HERC2: variants seen among roughly 807,000 people sequenced by gnomAD.
The protein encoded by HERC2 is E3 ubiquitin-protein ligase HERC2.
Under a neutral mutation model 537.7 loss-of-function variants are expected in HERC2, and 102 were observed. That is an observed-to-expected ratio of 0.19 (90% CI 0.16 to 0.22). The LOEUF (loss-of-function observed/expected upper bound fraction) is 0.22. Ranked by LOEUF, HERC2 falls within the 10% of genes least tolerant of loss-of-function variation. HERC2 has a pLI of 1.00. For missense variants in HERC2, 4,236 were observed against 6,198.2 expected, an observed-to-expected ratio of 0.68 and a Z score of 10.63; for synonymous variants, 2,224 against 2,466.2, an observed-to-expected ratio of 0.90 and a Z score of 2.91.
chr15:28,169,680 A>C, intron 65 of HERC2, 25 bp from the exon 66 acceptor site: 1 of 1,591,856 alleles, frequency 6.3e-7, no homozygotes, highest in Non-Finnish European at 8.6e-7. Flanking sequence ...TAAAATTTGC[A>C]TTGTTTTTAA....
chr15:28,280,335 C>T (rs1385791020), intron 4 of HERC2, 48 bp from the exon 5 acceptor site: 4 of 1,449,104 alleles, frequency 2.8e-6, no homozygotes, highest in Middle Eastern at 4.6e-4. Context: ...AATGTGGCCA[C>T]AGTTTGTTGC....
intron 2 of HERC2, among the ~76,000 whole-genome samples, chr15:28,304,030 G>A (rs1156900912): frequency 6.6e-6 from 1 of 151,992 alleles, no homozygotes; most frequent in African/African-American, 2.4e-5. Flanking sequence ...GCCAGGCCTG[G>A]TGGCAGGCGC....
In HERC2 at chr15:28,273,108, T is replaced by C; in HGVS notation, c.801-104A>G. On this transcript the variant is annotated intron_variant, in intron 7 of 92. Transcript: ENST00000261609. The stretch of plus-strand genomic sequence containing the variant: ...CTACACGCTCCCTCCAAAGGAAGGA[T>C]GTATTTTTAATATTTAGGATCAAGT... 6 of 804,182 alleles carry C rather than the reference T, an allele frequency of 7.5e-6. No individual in the cohort carries two copies. The South Asian group carries it at 8.7e-5, about 12-fold the overall frequency. The allele number at this position is 804,182 out of a possible 1,614,324, so 49.8% of individuals were successfully genotyped here. A position where few individuals can be genotyped will look rare whatever the true frequency, so the allele number is the denominator to read the frequency against.
Position 28,321,474 on chromosome 15 carries a change from A to C in HERC2, c.-31-10T>G. The C allele has an allele frequency of 9.5e-7, 1 of 1,049,380 alleles. No individual in the cohort carries two copies. Among genetic ancestry groups the C allele is most frequent in the Non-Finnish European group, 1.5e-6 (1 of 688,076 alleles). 65.0% of individuals were successfully genotyped at this position (1,049,380 alleles called of 1,614,324 possible). A position where few individuals can be genotyped will look rare whatever the true frequency, so the allele number is the denominator to read the frequency against. On this transcript the variant is annotated splice_polypyrimidine_tract_variant and intron_variant, in intron 1 of 92. Transcript: ENST00000261609. Reference sequence around the variant, plus strand: ...CTCCCAGGTCTCAGGCCTGCAAGTAAACACATACGCTGAAGACCTAACGCT... The same window carrying C: ...CTCCCAGGTCTCAGGCCTGCAAGTACACACATACGCTGAAGACCTAACGCT...
At chr15:28,165,666 G>T (rs1894057281) in intron 68 of HERC2, among the ~76,000 whole-genome samples, 1 of 151,934 alleles carries the variant, frequency 6.6e-6, no homozygotes, top group Admixed American at 6.6e-5. Flanking sequence ...AATTAGCCAG[G>T]TATGGTGGTG....
chr15:28,250,215 ATGAG>A (rs1169952198), intron 20 of HERC2, among the ~76,000 whole-genome samples: 3 of 152,204 alleles, frequency 2.0e-5, no homozygotes, highest in South Asian at 2.1e-4. Flanking sequence ...TACCAGCAGC[ATGAG>A]TAAGGACAGA....
At chr15:28,285,669 G>A (rs2076137069) in intron 4 of HERC2, among the ~76,000 whole-genome samples, 1 of 151,248 alleles carries the variant, frequency 6.6e-6, no homozygotes, top group Non-Finnish European at 1.5e-5. Flanking sequence ...CAACCCAAAA[G>A]TAAGCAGAAA....
At position 28,221,931 on chromosome 15, in the gene HERC2, C is replaced by A. The variant is rs1900561591; in HGVS notation, c.5652+97G>T. 7.1e-6 allele frequency: 7 copies of A among 988,528 alleles called. No homozygotes were observed. The East Asian group carries it at 1.4e-4, about 20-fold the overall frequency. 61.2% of individuals were successfully genotyped at this position (988,528 alleles called of 1,614,324 possible). ...CTGTGTCATCAATCAACTGACACAT[C>A]CTGGATTATTCCAATTTCCACCCAC... On this transcript the variant is annotated intron_variant, in intron 36 of 92. Transcript: ENST00000261609.
chr15:28,192,201 A>G, intron 52 of HERC2, 50 bp from the exon 53 acceptor site: 1 of 1,459,112 alleles, frequency 6.9e-7, no homozygotes, highest in South Asian at 1.2e-5. Flanking sequence ...AACTGGGGAG[A>G]AACATCATGA....
chr15:28,125,464 G>C (rs1375532641), intron 83 of HERC2, among the ~76,000 whole-genome samples: 1 of 152,192 alleles, frequency 6.6e-6, no homozygotes, highest in African/African-American at 2.4e-5. Flanking sequence ...TCTAGTGAGA[G>C]ACACACAACT....
At chr15:28,319,237 G>C (rs1445203576) in intron 2 of HERC2, among the ~76,000 whole-genome samples, 1 of 152,258 alleles carries the variant, frequency 6.6e-6, no homozygotes, top group Admixed American at 6.5e-5. Flanking sequence ...TTTTTCCTCT[G>C]GTGCACACTA....
In HERC2 at chr15:28,293,232, G is replaced by A. The variant is rs185349577; in HGVS notation, c.188-210C>T. Among the ~76,000 whole-genome samples, 314 of 152,178 alleles carry A rather than the reference G, an allele frequency of 2.1e-3. 1 individual carries two copies. The highest frequency in any genetic ancestry group is 7.1e-3 in the African/African-American group (297 of 41,564). Reference sequence around the variant, plus strand: ...ATATCGGCCAGGCGTGGTGGCTCACGCCTGTAATCCCAGCACTTTGGGAAG... The same window carrying A: ...ATATCGGCCAGGCGTGGTGGCTCACACCTGTAATCCCAGCACTTTGGGAAG... On this transcript the variant is annotated intron_variant, in intron 3 of 92. Transcript: ENST00000261609.
chr15:28,133,704 T>TTTTCTCCAGTG (rs1428993208), intron 79 of HERC2, among the ~76,000 whole-genome samples: 2 of 152,234 alleles, frequency 1.3e-5, no homozygotes, highest in African/African-American at 4.8e-5. Flanking sequence ...AAATAGTATA[T>TTTTCTCCAGTG]TTTCTCCAGT....
chr15:28,144,054 G>GT, intron 73 of HERC2, 23 bp downstream of exon 73: 1 of 1,614,158 alleles, frequency 6.2e-7, no homozygotes, highest in South Asian at 1.1e-5. Context: ...GAAGACAGAT[G>GT]TAACTGTAAT....
intron 14 of HERC2, among the ~76,000 whole-genome samples, 175 bp from the exon 15 acceptor site, chr15:28,263,344 C>G (rs1388665767): frequency 3.3e-5 from 5 of 152,170 alleles, no homozygotes; most frequent in African/African-American, 4.8e-5. Flanking sequence ...TTGAGGTTGA[C>G]ATAGAAGCAA....
In HERC2 at chr15:28,111,809, T is replaced by A. The variant is rs771533630; in HGVS notation, c.14459A>T (p.Asp4820Val). ...TTGTGTAGAGTCCGAAGCAAAGGAG[T>A]CGACATCCTCGTTATCTGAATCGTC... ...SSDDSDNEDV[D>V]SFASDSTQDY... The change falls in exon 93 of 93, where the codon GAC (aspartate) becomes GTC (valine). Residue 4820 changes from aspartate to valine, a missense_variant. Physicochemically the swap from Asp to Val is radical, Grantham distance 152 (BLOSUM62 -3). Coordinates refer to ENST00000261609, the MANE Select transcript of HERC2 (RefSeq NM_004667.6). 1.2e-6 allele frequency: 2 copies of A among 1,613,870 alleles called. No individual in the cohort carries two copies. The highest frequency in any genetic ancestry group is 3.3e-5 in the Admixed American group (2 of 59,990).
intron 81 of HERC2, 103 bp downstream of exon 81, chr15:28,131,997 G>A: frequency 2.0e-6 from 2 of 980,082 alleles, no homozygotes; most frequent in Non-Finnish European, 3.0e-6. Flanking sequence ...CACACACGGG[G>A]GACAGTAATG....
chr15:28,132,508 G>T, intron 80 of HERC2, 145 bp downstream of exon 80: 4 of 826,008 alleles, frequency 4.8e-6, no homozygotes, highest in Non-Finnish European at 5.1e-6. Context: ...CATGAAGGCT[G>T]TTTATTCACT....
chr15:28,117,559 G>A (rs1401655981), intron 86 of HERC2: 1 of 488,184 alleles, frequency 2.0e-6, no homozygotes, highest in Non-Finnish European at 4.0e-6. Flanking sequence ...AAGACACCAG[G>A]AACTCCAAAA....
Sources: gnomAD v4.1 joint callset for allele counts (sites outside exome capture counted in the v4.1 genomes callset) on GRCh38, gnomAD v4.1.1 for gene constraint, MANE v1.5 for transcripts, NCBI Gene and HGNC (gene_info 2026-07-23, HGNC 2026-07-21) for gene names.